PXDNL: variants seen among roughly 807,000 people sequenced by gnomAD.
PXDNL encodes the protein peroxidasin like.
PXDNL carries 145 observed loss-of-function variants against 150.8 expected under a neutral mutation model. The ratio of observed to expected loss-of-function variants is 0.96; its 90% CI spans 0.84 to 1.10. PXDNL has a LOEUF of 1.10. PXDNL is among the 50% of genes least tolerant of loss of function. The pLI is 0.00. For synonymous variants in PXDNL, 757 were observed against 725.7 expected, an observed-to-expected ratio of 1.04 and a Z score of -0.69; for missense variants, 2,087 against 1,873.9, an observed-to-expected ratio of 1.11 and a Z score of -2.10.
intron 3 of PXDNL, among the ~76,000 whole-genome samples, chr8:51,581,048 G>A (rs1484759764): frequency 6.6e-6 from 1 of 152,100 alleles, no homozygotes; most frequent in East Asian, 1.9e-4. Context: ...GCAGAAAGGT[G>A]GCTGATTAGG....
chr8:51,473,274 A>ACACACACACACACAC (rs138310321), intron 7 of PXDNL, among the ~76,000 whole-genome samples: 2 of 133,940 alleles, frequency 1.5e-5, no homozygotes, highest in Non-Finnish European at 3.2e-5. Flanking sequence ...GTAGAAAATA[A>ACACACACACACACAC]ACACACACAC....
intron 4 of PXDNL, among the ~76,000 whole-genome samples, chr8:51,526,702 C>A (rs1811777733): frequency 6.6e-6 from 1 of 152,136 alleles, no homozygotes; most frequent in African/African-American, 2.4e-5. Context: ...ATGTGAGGGG[C>A]ATTTGGCATG....
chr8:51,609,041 C>T (rs1296671714), intron 2 of PXDNL, among the ~76,000 whole-genome samples: 1 of 152,078 alleles, frequency 6.6e-6, no homozygotes, highest in Non-Finnish European at 1.5e-5. Flanking sequence ...TCACTGTTAG[C>T]AACTCCTTGT....
In PXDNL at chr8:51,534,158, C is replaced by T. The variant is rs541490250; in HGVS notation, c.380+22682G>A. On this transcript the variant is annotated intron_variant, in intron 4 of 22. Coordinates refer to ENST00000356297, the MANE Select transcript of PXDNL (RefSeq NM_144651.5). ...GCCGCCCTGTCTGGGATGTGAGGAGCGCCTCTGCTGGGCCACAACCCTGTC... is the reference window on the plus strand; with the variant it reads ...GCCGCCCTGTCTGGGATGTGAGGAGTGCCTCTGCTGGGCCACAACCCTGTC... 3.6e-3 allele frequency among the ~76,000 whole-genome samples: 505 copies of T among 141,394 alleles called. 37 individuals carry two copies. Among genetic ancestry groups the T allele is most frequent in the African/African-American group, 0.013 (449 of 33,540 alleles). The allele number at this position is 141,394 out of a possible 152,430, so 92.8% of individuals were successfully genotyped here.
At chr8:51,792,983 A>T (rs1306050215) in intron 1 of PXDNL, among the ~76,000 whole-genome samples, 1 of 152,190 alleles carries the variant, frequency 6.6e-6, no homozygotes, top group Non-Finnish European at 1.5e-5. Context: ...AGGGGCAGCT[A>T]GAGTGCTTTG....
chr8:51,778,096 G>C (rs1438855638), intron 1 of PXDNL, among the ~76,000 whole-genome samples: 2 of 152,090 alleles, frequency 1.3e-5, no homozygotes, highest in African/African-American at 4.8e-5. Context: ...CAGCACTTTG[G>C]AAAGCAGAGG....
intron 1 of PXDNL, among the ~76,000 whole-genome samples, chr8:51,713,242 C>T (rs1268544809): frequency 6.6e-6 from 1 of 152,140 alleles, no homozygotes; most frequent in Non-Finnish European, 1.5e-5. Context: ...CATAGCTGCC[C>T]TAAGGCTAAA....
In PXDNL at chr8:51,595,308, C is replaced by A. The variant is rs148645643; in HGVS notation, c.237-2610G>T. Among the ~76,000 whole-genome samples, 385 of 152,022 alleles carry A rather than the reference C, an allele frequency of 2.5e-3. 2 individuals are homozygous for A. The highest frequency in any genetic ancestry group is 8.8e-3 in the African/African-American group (365 of 41,494). ...GTGGTTGGAAATATTTTATTAAAAA[C>A]CAATAAATGACTGCTAGAAAAGATT... is the stretch of plus-strand genomic sequence containing the variant. On this transcript the variant is annotated intron_variant, in intron 2 of 22. Transcript: ENST00000356297.
intron 1 of PXDNL, among the ~76,000 whole-genome samples, chr8:51,739,905 A>T (rs914847897): frequency 1.3e-5 from 2 of 151,014 alleles, no homozygotes; most frequent in Admixed American, 6.6e-5. Flanking sequence ...TTTTATTTCT[A>T]TATGCTAACA....
chr8:51,688,174 G>A (rs1815916287), intron 1 of PXDNL, among the ~76,000 whole-genome samples: 1 of 152,004 alleles, frequency 6.6e-6, no homozygotes, highest in South Asian at 2.1e-4. Context: ...CAGCCACTGC[G>A]GCAGATCAGT....
At chr8:51,574,269 A>T (rs1813005928) in intron 3 of PXDNL, among the ~76,000 whole-genome samples, 1 of 151,982 alleles carries the variant, frequency 6.6e-6, no homozygotes, top group Non-Finnish European at 1.5e-5. Context: ...TATCTACTGA[A>T]GTAAAAAAAA....
chr8:51,642,670 T>C (rs1260386683), intron 2 of PXDNL, among the ~76,000 whole-genome samples: 1 of 152,176 alleles, frequency 6.6e-6, no homozygotes, highest in Non-Finnish European at 1.5e-5. Flanking sequence ...CTATTCAACA[T>C]AGCGTTGGAA....
chr8:51,436,410 A>G (rs1226511144), intron 12 of PXDNL: 4 of 403,630 alleles, frequency 9.9e-6, no homozygotes, highest in Non-Finnish European at 1.0e-5. Context: ...GCCATGTCAT[A>G]AGATCCATCA....
intron 19 of PXDNL, among the ~76,000 whole-genome samples, chr8:51,347,849 C>T (rs1019226207): frequency 2.6e-5 from 4 of 151,920 alleles, no homozygotes; most frequent in Non-Finnish European, 2.9e-5. Flanking sequence ...GCTGTTACCT[C>T]GACTTAGTAC....
rs547908182 is a variant in PXDNL, at chr8:51,486,887, G to A, written c.453-3173C>T. On this transcript the variant is annotated intron_variant, in intron 5 of 22. Coordinates refer to ENST00000356297, the MANE Select transcript of PXDNL (RefSeq NM_144651.5). The stretch of plus-strand genomic sequence containing the variant: ...ACAATCTTGGCTCACTGAAACCTCC[G>A]CCTCCTGGGTTCAAGCAATTCTCCT... Among the ~76,000 whole-genome samples the A allele has an allele frequency of 8.3e-5, 11 of 132,972 alleles. No individual in the cohort carries two copies. The East Asian group carries it at 1.1e-3, about 13-fold the overall frequency. The allele number at this position is 132,972 out of a possible 152,430, so 87.2% of individuals were successfully genotyped here.
chr8:51,642,632 A>G (rs573979522), intron 2 of PXDNL, among the ~76,000 whole-genome samples: 2 of 152,328 alleles, frequency 1.3e-5, no homozygotes, highest in African/African-American at 4.8e-5. Flanking sequence ...AAACTGGCAC[A>G]AGACAGGGAT....
chr8:51,337,650 G>C (rs982523469), intron 21 of PXDNL, among the ~76,000 whole-genome samples: 2 of 152,142 alleles, frequency 1.3e-5, no homozygotes, highest in African/African-American at 4.8e-5. Context: ...AGGCTGGCAG[G>C]CAGATCACCT....
At chr8:51,794,345 C>T (rs1426674094) in intron 1 of PXDNL, among the ~76,000 whole-genome samples, 1 of 152,090 alleles carries the variant, frequency 6.6e-6, no homozygotes, top group Non-Finnish European at 1.5e-5. Context: ...AGAAGATCAA[C>T]ACCAAGACAC....
intron 1 of PXDNL, among the ~76,000 whole-genome samples, chr8:51,751,134 A>T (rs58605689): frequency 1.3e-5 from 2 of 152,226 alleles, no homozygotes; most frequent in African/African-American, 4.8e-5. Context: ...TGCCAAGAAA[A>T]ATTGGAAGAC....
Sources: gnomAD v4.1 joint callset for allele counts (sites outside exome capture counted in the v4.1 genomes callset) on GRCh38, gnomAD v4.1.1 for gene constraint, MANE v1.5 for transcripts, NCBI Gene and HGNC (gene_info 2026-07-23, HGNC 2026-07-21) for gene names.